The following EFHD1 variants were observed in gnomAD, a reference collection of about 807,000 sequenced individuals.
EFHD1 encodes EF-hand domain-containing protein D1.
Under a neutral mutation model 17.2 loss-of-function variants are expected in EFHD1, and 10 were observed. The ratio of observed to expected loss-of-function variants is 0.58; its 90% CI spans 0.36 to 0.99. The LOEUF (loss-of-function observed/expected upper bound fraction) is 0.99. Among genes scored for constraint, EFHD1 ranks in the 50% least tolerant of loss-of-function variants. EFHD1 has a pLI of 0.01. For missense variants in EFHD1, 310 were observed against 327.5 expected (o/e 0.95, Z 0.41); for synonymous variants, 153 against 142.0 (o/e 1.08, Z -0.55).
chr2:232,667,394 A>C (rs1694986558), intron 2 of EFHD1, among the ~76,000 whole-genome samples: 1 of 152,012 alleles, frequency 6.6e-6, no homozygotes, highest in African/African-American at 2.4e-5. Context: ...CCCACTTTCT[A>C]CCATGCGGAC....
chr2:232,631,369 T>G (rs543319418), upstream of EFHD1, among the ~76,000 whole-genome samples: 14 of 151,838 alleles, frequency 9.2e-5, no homozygotes, highest in South Asian at 1.3e-3. Context: ...GGCATGATCA[T>G]GGCTCACTGC....
chr2:232,614,933 G>A (rs10201323), intron 1 of EFHD1, among the ~76,000 whole-genome samples: 50,176 of 151,874 alleles, frequency 0.33, 9,842 homozygotes, highest in Middle Eastern at 0.48. Context: ...CCGGGATTGC[G>A]CCACTGCACT....
At chr2:232,608,737 T>C (rs1267736224) in intron 1 of EFHD1, among the ~76,000 whole-genome samples, 1 of 152,056 alleles carries the variant, frequency 6.6e-6, no homozygotes, top group Non-Finnish European at 1.5e-5. Flanking sequence ...AAGACCAGCC[T>C]GGCCAATATG....
chr2:232,622,905 A>G (rs192155338), intron 1 of EFHD1, among the ~76,000 whole-genome samples: 34 of 152,306 alleles, frequency 2.2e-4, no homozygotes, highest in Admixed American at 1.9e-3. Flanking sequence ...ATAGTTTTAT[A>G]TTGATTACAT....
At chr2:232,639,164 T>C (rs1315789722) in intron 1 of EFHD1, among the ~76,000 whole-genome samples, 1 of 152,150 alleles carries the variant, frequency 6.6e-6, no homozygotes, top group Non-Finnish European at 1.5e-5. Context: ...CTGGGATGTC[T>C]CCTCCACCAT....
Position 232,634,011 on chromosome 2 carries a change from G to T in EFHD1, c.302+5G>T. 1 of 1,597,130 alleles carries T rather than the reference G, an allele frequency of 6.3e-7. No individual in the cohort carries two copies. The highest frequency in any genetic ancestry group is 8.5e-7 in the Non-Finnish European group (1 of 1,179,254). ...CCTGGAGAGCATGTTCAAACTGTGA[G>T]CTCCCGCTGCGCGCCCTTCGCCCCC... On this transcript the variant is annotated splice_donor_5th_base_variant and intron_variant, in intron 1 of 3. Coordinates refer to ENST00000264059, the MANE Select transcript of EFHD1 (RefSeq NM_025202.4).
chr2:232,606,625 G>T (rs1179793139), intron 1 of EFHD1: 5 of 190,672 alleles, frequency 2.6e-5, no homozygotes, highest in Admixed American at 1.6e-4. Flanking sequence ...CGGTGGCTCA[G>T]CCTGTAATCC....
chr2:232,644,894 G>A (rs1322944107), intron 1 of EFHD1, among the ~76,000 whole-genome samples: 3 of 145,740 alleles, frequency 2.1e-5, no homozygotes, highest in African/African-American at 7.7e-5. Flanking sequence ...CGCCCACCTC[G>A]ACCTCCCAAA....
chr2:232,616,367 C>G (rs913389151), intron 1 of EFHD1, among the ~76,000 whole-genome samples: 2 of 151,986 alleles, frequency 1.3e-5, no homozygotes, highest in Non-Finnish European at 2.9e-5. Context: ...GGCACAATCT[C>G]GGCTCACGGC....
At chr2:232,673,669 G>A (rs187989215) in intron 3 of EFHD1, among the ~76,000 whole-genome samples, 1 of 152,056 alleles carries the variant, frequency 6.6e-6, no homozygotes, top group East Asian at 1.9e-4. Flanking sequence ...TGGAAGTGGT[G>A]TTATAATTTA....
At position 232,662,945 on chromosome 2, in the gene EFHD1, G is replaced by C; in HGVS notation, c.446G>C (p.Arg149Pro). Residue 149 changes from arginine (R) to proline (P), a missense_variant, in exon 2 of 4, where the codon CGG (arginine) becomes CCG (proline). Arg to Pro is a moderately radical substitution (Grantham distance 103). Transcript: ENST00000264059. ...DEDFDGKLSF[R>P]EFLLIFHKAA... ...GACTTCGATGGCAAGCTCAGCTTCC[G>C]GGAGGTACCTGCCTGCTGTGGCCCT... The C allele has an allele frequency of 6.3e-7, 1 of 1,582,500 alleles. No individual in the cohort carries two copies. The highest frequency in any genetic ancestry group is 8.6e-7 in the Non-Finnish European group (1 of 1,167,896).
At position 232,607,774 on chromosome 2, in the gene EFHD1, A is replaced by G. The variant is rs1313079105; in HGVS notation, c.14+1601A>G. Among the ~76,000 whole-genome samples the G allele has an allele frequency of 5.9e-5, 8 of 135,218 alleles. No individual in the cohort carries two copies. In the South Asian group the frequency reaches 6.8e-4, roughly 12 times the overall value. 88.7% of individuals were successfully genotyped at this position (135,218 alleles called of 152,430 possible). A position where few individuals can be genotyped will look rare whatever the true frequency, so the allele number is the denominator to read the frequency against. On this transcript the variant is annotated intron_variant, in intron 1 of 3. Transcript: ENST00000409613. ...ATCTCAAAAAAAAAGGAAAGAAAAT[A>G]CAGGCTAAAATTTTTTTTTTTTTTA...
At chr2:232,677,384 G>T (rs990118707) in intron 3 of EFHD1, among the ~76,000 whole-genome samples, 32 of 151,758 alleles carry the variant, frequency 2.1e-4, no homozygotes, top group African/African-American at 7.8e-4. Context: ...CCTGTGAAAT[G>T]CAGGGGGAAT....
intron 3 of EFHD1, among the ~76,000 whole-genome samples, chr2:232,679,921 T>C (rs1003664356): frequency 4.6e-5 from 7 of 151,974 alleles, no homozygotes; most frequent in Admixed American, 2.0e-4. Context: ...CAGTTCATGA[T>C]TGTGGGTGTG....
intron 1 of EFHD1, chr2:232,638,054 C>T (rs935851543): frequency 4.7e-6 from 1 of 211,710 alleles, no homozygotes; most frequent in Admixed American, 5.1e-5. Flanking sequence ...AAAGTTCCCT[C>T]TCCATTTCCA....
chr2:232,612,712 T>C (rs1320565681), intron 1 of EFHD1, among the ~76,000 whole-genome samples: 2 of 151,156 alleles, frequency 1.3e-5, no homozygotes, highest in East Asian at 3.9e-4. Flanking sequence ...GAAAATAGTT[T>C]GGTAGTTTCT....
At chr2:232,608,678 G>A (rs1693761522) in intron 1 of EFHD1, among the ~76,000 whole-genome samples, 1 of 151,984 alleles carries the variant, frequency 6.6e-6, no homozygotes, top group African/African-American at 2.4e-5. Flanking sequence ...CGCCTGTAAT[G>A]CCAGCACTTT....
At chr2:232,619,312 C>CT (rs113872019) in intron 1 of EFHD1, among the ~76,000 whole-genome samples, 2,351 of 38,090 alleles carry the variant, frequency 0.062, 47 homozygotes, top group African/African-American at 0.18. Context: ...TTCTTTCTTT[C>CT]TTTTTTTTTT....
At chr2:232,618,786 CATT>C (rs1397285736) in intron 1 of EFHD1, among the ~76,000 whole-genome samples, 1 of 150,488 alleles carries the variant, frequency 6.6e-6, no homozygotes, top group Admixed American at 6.6e-5. Flanking sequence ...ACCTCAAAAA[CATT>C]ATGAAGAATG....
Sources: gnomAD v4.1 joint callset for allele counts (sites outside exome capture counted in the v4.1 genomes callset) on GRCh38, gnomAD v4.1.1 for gene constraint, MANE v1.5 for transcripts, NCBI Gene and HGNC (gene_info 2026-07-23, HGNC 2026-07-21) for gene names.